Variants in CERS3 observed in about 807,000 individuals in gnomAD.
The protein encoded by CERS3 is ceramide synthase 3, also known as LAG1 homolog, ceramide synthase 3.
In CERS3, 33 loss-of-function variants were observed where a neutral mutation model predicts 50.3. That is an observed-to-expected ratio of 0.66 (90% CI 0.50 to 0.88). CERS3 has a LOEUF of 0.88. Ranked by LOEUF, CERS3 falls within the 40% of genes least tolerant of loss-of-function variation. The pLI, the probability that CERS3 is intolerant of heterozygous loss-of-function variation, is 0.00. For synonymous variants in CERS3, 176 were observed against 155.2 expected, an observed-to-expected ratio of 1.13 and a Z score of -0.99; for missense variants, 470 against 460.3, an observed-to-expected ratio of 1.02 and a Z score of -0.19.
intron 6 of CERS3, among the ~76,000 whole-genome samples, chr15:100,479,765 ACT>A (rs1491054016): frequency 3.4e-5 from 5 of 148,734 alleles, no homozygotes; most frequent in Admixed American, 1.4e-4. Context: ...CAAACAAGTA[ACT>A]GTATGAACCA....
At chr15:100,462,739 T>C (rs1462651309) in intron 10 of CERS3, among the ~76,000 whole-genome samples, 1 of 152,212 alleles carries the variant, frequency 6.6e-6, no homozygotes, top group African/African-American at 2.4e-5. Context: ...GTTTCAACAA[T>C]GTCAGCGACA....
At position 100,474,962 on chromosome 15, in the gene CERS3, T is replaced by C. The variant is rs373553098; in HGVS notation, c.609+1124A>G. ...TAAGACATTTAACATATATTTATAT[T>C]TAATTTTTAAGAAGGTGTTCAATGC... On this transcript the variant is annotated intron_variant, in intron 8 of 11. Transcript: ENST00000679737. Among the ~76,000 whole-genome samples, 255 of 152,318 alleles carry C rather than the reference T, an allele frequency of 1.7e-3. 2 individuals are homozygous for C. The South Asian group carries it at 0.017, about 10-fold the overall frequency.
intron 11 of CERS3, among the ~76,000 whole-genome samples, chr15:100,441,549 T>A (rs2033683729): frequency 6.6e-6 from 1 of 151,788 alleles, no homozygotes. Flanking sequence ...CACCCTCCAT[T>A]CCCCCTTCTT....
At chr15:100,470,362 A>G (rs967112934) in intron 9 of CERS3, among the ~76,000 whole-genome samples, 2 of 152,230 alleles carry the variant, frequency 1.3e-5, no homozygotes, top group African/African-American at 4.8e-5. Flanking sequence ...TTCACGTGGC[A>G]TCTTTCATAT....
intron 11 of CERS3, among the ~76,000 whole-genome samples, chr15:100,439,245 T>C (rs1436485979): frequency 2.0e-5 from 3 of 152,130 alleles, no homozygotes; most frequent in African/African-American, 7.2e-5. Flanking sequence ...ACCTTATTGT[T>C]TAGAAAAAAT....
chr15:100,467,769 CTA>C (rs1349950713), intron 10 of CERS3, among the ~76,000 whole-genome samples: 2 of 129,168 alleles, frequency 1.5e-5, no homozygotes, highest in African/African-American at 5.7e-5. Context: ...CTCTCTCTCT[CTA>C]TATATATATA....
chr15:100,544,503 C>CCTCTCTCGGCCT (rs2037307852), intron 1 of CERS3: 6 of 101,476 alleles, frequency 5.9e-5, no homozygotes, highest in African/African-American at 2.7e-4. Flanking sequence ...CGACCTGGGC[C>CCTCTCTCGGCCT]TGCGCGGGGA....
intron 5 of CERS3, among the ~76,000 whole-genome samples, chr15:100,482,026 C>T (rs2654642): frequency 0.3 from 45,908 of 152,070 alleles, 7,098 homozygotes; most frequent in East Asian, 0.4. Flanking sequence ...GTTTTCACTT[C>T]GAATACAGTA....
rs1177319692 is a variant in CERS3, at chr15:100,402,359, G to C, written c.*354C>G. The C allele has an allele frequency of 2.6e-5, 5 of 190,078 alleles. No homozygotes were observed. The highest frequency in any genetic ancestry group is 4.3e-5 in the Non-Finnish European group (4 of 93,082). 11.8% of individuals were successfully genotyped at this position (190,078 alleles called of 1,614,324 possible). On this transcript the variant is annotated 3_prime_UTR_variant, in exon 12 of 12. Coordinates refer to ENST00000679737, the MANE Select transcript of CERS3 (RefSeq NM_001378789.1). ...AAAAATGAGATCACTTAGCACCTGTGAAAGCGTCCTGAGGACAGGCAAGGT... is the reference window on the plus strand; with the variant it reads ...AAAAATGAGATCACTTAGCACCTGTCAAAGCGTCCTGAGGACAGGCAAGGT...
At chr15:100,472,063 TAGA>T (rs2034986284) in intron 9 of CERS3, among the ~76,000 whole-genome samples, 1 of 152,236 alleles carries the variant, frequency 6.6e-6, no homozygotes, top group Admixed American at 6.5e-5. Flanking sequence ...AACCCCAACC[TAGA>T]AGAATAAGAT....
At chr15:100,415,320 TATTGGGAATGCAAATTAAACTTGC>T (rs140866069) in intron 11 of CERS3, among the ~76,000 whole-genome samples, 3,975 of 152,246 alleles carry the variant, frequency 0.026, 177 homozygotes, top group African/African-American at 0.089. Context: ...TTTATACTGT[TATTGGGAATGCAAATTAAACTTGC>T]ATTGGGAATG....
intron 2 of CERS3, among the ~76,000 whole-genome samples, chr15:100,507,362 C>G (rs2036215767): frequency 6.6e-6 from 1 of 152,190 alleles, no homozygotes; most frequent in African/African-American, 2.4e-5. Context: ...ACCCCTCCAG[C>G]CAGCCTCATC....
intron 11 of CERS3, among the ~76,000 whole-genome samples, chr15:100,413,878 A>AAAT (rs397700580): frequency 6.6e-6 from 1 of 151,770 alleles, no homozygotes; most frequent in African/African-American, 2.4e-5. Flanking sequence ...ACCTCCCAAA[A>AAAT]TTGAATCAGG....
chr15:100,537,143 C>A (rs527740451), intron 1 of CERS3, among the ~76,000 whole-genome samples: 6 of 152,196 alleles, frequency 3.9e-5, no homozygotes, highest in Admixed American at 6.5e-5. Flanking sequence ...AGAAGGGGTA[C>A]TCTCTCTTCA....
intron 9 of CERS3, among the ~76,000 whole-genome samples, chr15:100,471,411 G>A (rs989011308): frequency 2.0e-5 from 3 of 152,206 alleles, no homozygotes; most frequent in Non-Finnish European, 4.4e-5. Context: ...GTGAAAGGGT[G>A]GGGAGGGTGG....
At chr15:100,454,445 AT>A (rs1314395057) in intron 11 of CERS3, among the ~76,000 whole-genome samples, 1 of 151,962 alleles carries the variant, frequency 6.6e-6, no homozygotes, top group Non-Finnish European at 1.5e-5. Flanking sequence ...AAATACATAC[AT>A]TGGGGGAAAG....
intron 3 of CERS3, among the ~76,000 whole-genome samples, chr15:100,497,426 T>C (rs72759154): frequency 6.6e-6 from 1 of 152,118 alleles, no homozygotes; most frequent in African/African-American, 2.4e-5. Flanking sequence ...TCCAACCTAG[T>C]AGCTGGAAAA....
Position 100,484,581 on chromosome 15 carries a change from G to T in CERS3, c.376C>A (p.Pro126Thr). 6.2e-7 allele frequency: 1 copy of T among 1,613,832 alleles called. No homozygotes were observed. Among genetic ancestry groups the T allele is most frequent in the Non-Finnish European group, 8.5e-7 (1 of 1,179,738 alleles). Residue 126 changes from proline (P) to threonine (T), a missense_variant, in exon 5 of 12, where the codon CCT becomes ACT. By Grantham distance (38) the Pro-to-Thr change is conservative. Coordinates refer to ENST00000679737, the MANE Select transcript of CERS3 (RefSeq NM_001378789.1). Reference sequence around the variant, plus strand: ...TCCTGGAATTTCTTCAGCCTGGAAGGCCTCTCTTGATTCCGCCGACTCCTA... The same window carrying T: ...TCCTGGAATTTCTTCAGCCTGGAAGTCCTCTCTTGATTCCGCCGACTCCTA... ...WFRSRRNQER[P>T]SRLKKFQEAC... is the part of the protein sequence containing the mutation.
chr15:100,467,254 G>C, intron 10 of CERS3, among the ~76,000 whole-genome samples: 1 of 151,778 alleles, frequency 6.6e-6, no homozygotes, highest in Non-Finnish European at 1.5e-5. Context: ...GACCCTAAGT[G>C]AAAATCATCT....
Sources: allele counts gnomAD v4.1 joint callset (sites outside exome capture counted in the v4.1 genomes callset), GRCh38; gene constraint gnomAD v4.1.1; transcripts MANE v1.5; gene names NCBI Gene and HGNC (gene_info 2026-07-23, HGNC 2026-07-21).